KIAA1217: variants seen among roughly 807,000 people sequenced by gnomAD.
KIAA1217 encodes sickle tail protein homolog.
A neutral mutation model predicts 163.9 loss-of-function variants in KIAA1217; 88 were observed. That is an observed-to-expected ratio of 0.54 (90% CI 0.45 to 0.64). The LOEUF is 0.64. Among genes scored for constraint, KIAA1217 ranks in the 30% least tolerant of loss-of-function variants. The probability of loss-of-function intolerance (pLI) is 0.00; values close to 1 mark genes in which losing one functional copy is unlikely to be tolerated. For synonymous variants in KIAA1217, 903 were observed against 923.1 expected, an observed-to-expected ratio of 0.98 and a Z score of 0.39; for missense variants, 2,372 against 2,475.0, an observed-to-expected ratio of 0.96 and a Z score of 0.88.
intron 2 of KIAA1217, among the ~76,000 whole-genome samples, chr10:24,064,479 C>G (rs1478253769): frequency 2.0e-5 from 3 of 152,112 alleles, no homozygotes; most frequent in Admixed American, 6.6e-5. Flanking sequence ...CCTTGCATCC[C>G]AGGAATGAAG....
At chr10:24,509,571 G>C (rs2068821318) in intron 9 of KIAA1217, among the ~76,000 whole-genome samples, 1 of 152,108 alleles carries the variant, frequency 6.6e-6, no homozygotes. Context: ...TTCATTCATA[G>C]AGCAAATACA....
At chr10:23,968,671 T>C (rs963774242) in intron 1 of KIAA1217, among the ~76,000 whole-genome samples, 2 of 152,222 alleles carry the variant, frequency 1.3e-5, no homozygotes, top group Non-Finnish European at 2.9e-5. Flanking sequence ...AATCTACTTT[T>C]TGTCTCTGTA....
rs143841905 is a variant in KIAA1217, at chr10:24,025,916, G to T, written c.-171+18542G>T. ...TAGTAGCTTTATGGTAGATTATTTTGGATTTTTCTACATAGACAATAACGT... is the reference window on the plus strand; with the variant it reads ...TAGTAGCTTTATGGTAGATTATTTTTGATTTTTCTACATAGACAATAACGT... On this transcript the variant is annotated intron_variant, in intron 2 of 18. Transcript: ENST00000376462. Among the ~76,000 whole-genome samples, 1,278 of 151,710 alleles carry T rather than the reference G, an allele frequency of 8.4e-3. 25 individuals carry two copies. The highest frequency in any genetic ancestry group is 0.03 in the African/African-American group (1,226 of 41,472).
intron 1 of KIAA1217, among the ~76,000 whole-genome samples, chr10:23,721,496 A>G (rs1480034200): frequency 6.6e-6 from 1 of 152,060 alleles, no homozygotes; most frequent in African/African-American, 2.4e-5. Flanking sequence ...TTAAAAAATC[A>G]TAAACTCCTA....
At chr10:23,967,478 A>G (rs1204188660) in intron 1 of KIAA1217, among the ~76,000 whole-genome samples, 1 of 152,224 alleles carries the variant, frequency 6.6e-6, no homozygotes, top group African/African-American at 2.4e-5. Context: ...AAGTCCACAG[A>G]AAAAGAAATA....
intron 3 of KIAA1217, among the ~76,000 whole-genome samples, chr10:24,423,432 A>C (rs1162860242): frequency 6.6e-6 from 1 of 151,352 alleles, no homozygotes; most frequent in Non-Finnish European, 1.5e-5. Context: ...TTACAGGCGC[A>C]CACCACCACG....
chr10:24,429,987 A>C (rs12360211), intron 3 of KIAA1217, among the ~76,000 whole-genome samples: 27,420 of 152,068 alleles, frequency 0.18, 3,020 homozygotes, highest in Non-Finnish European at 0.26. Flanking sequence ...TAAAAAAAAT[A>C]TACAAAAAAT....
chr10:23,859,820 A>G (rs2131130563), intron 1 of KIAA1217, among the ~76,000 whole-genome samples: 1 of 152,248 alleles, frequency 6.6e-6, no homozygotes, highest in Non-Finnish European at 1.5e-5. Flanking sequence ...TTTAGACTCA[A>G]ATGTCTAAAA....
At chr10:23,841,733 T>C (rs929315510) in intron 1 of KIAA1217, among the ~76,000 whole-genome samples, 2 of 152,110 alleles carry the variant, frequency 1.3e-5, no homozygotes, top group African/African-American at 4.8e-5. Flanking sequence ...TAATGGGTAA[T>C]TTATTATTAT....
intron 3 of KIAA1217, among the ~76,000 whole-genome samples, chr10:24,426,641 C>T (rs1006109504): frequency 6.6e-6 from 1 of 151,982 alleles, no homozygotes; most frequent in Non-Finnish European, 1.5e-5. Context: ...AAAAGTCATG[C>T]TTGCAGTCTC....
intron 1 of KIAA1217, among the ~76,000 whole-genome samples, chr10:23,740,347 C>A (rs1416555773): frequency 6.6e-6 from 1 of 152,072 alleles, no homozygotes; most frequent in Non-Finnish European, 1.5e-5. Context: ...TAGGTTATGT[C>A]ATGTAAGCAC....
chr10:23,884,252 C>T (rs1268146735), intron 1 of KIAA1217, among the ~76,000 whole-genome samples: 3 of 151,948 alleles, frequency 2.0e-5, no homozygotes, highest in Non-Finnish European at 4.4e-5. Flanking sequence ...TCCTATTGCT[C>T]CACATCCCCA....
chr10:24,124,975 A>G (rs142053036), intron 2 of KIAA1217, among the ~76,000 whole-genome samples: 3 of 152,218 alleles, frequency 2.0e-5, no homozygotes, highest in African/African-American at 7.2e-5. Flanking sequence ...TCCCCTTAGA[A>G]AGCTGGTAGA....
At chr10:24,046,633 C>T (rs1849047856) in intron 2 of KIAA1217, among the ~76,000 whole-genome samples, 1 of 152,138 alleles carries the variant, frequency 6.6e-6, no homozygotes, top group African/African-American at 2.4e-5. Flanking sequence ...CACTCACTAT[C>T]ACAAGAAAAA....
At chr10:24,031,622 T>C (rs1479105795) in intron 2 of KIAA1217, among the ~76,000 whole-genome samples, 1 of 152,178 alleles carries the variant, frequency 6.6e-6, no homozygotes, top group Non-Finnish European at 1.5e-5. Flanking sequence ...TTTATGAGCT[T>C]ATTGGCCTTA....
intron 2 of KIAA1217, among the ~76,000 whole-genome samples, chr10:24,310,989 C>A (rs570689334): frequency 6.6e-6 from 1 of 152,274 alleles, no homozygotes; most frequent in African/African-American, 2.4e-5. Context: ...GAGAGTGAGA[C>A]CCTGTCTCAA....
intron 2 of KIAA1217, among the ~76,000 whole-genome samples, chr10:24,191,261 T>G (rs932029553): frequency 2.2e-4 from 34 of 152,200 alleles, no homozygotes; most frequent in African/African-American, 8.0e-4. Context: ...CTATTTAATG[T>G]GATTTAAAGA....
chr10:24,142,394 A>G (rs943795817), intron 2 of KIAA1217, among the ~76,000 whole-genome samples: 6 of 152,192 alleles, frequency 3.9e-5, no homozygotes, highest in African/African-American at 1.4e-4. Context: ...TCCTATAGGT[A>G]AGATAGTGCC....
At chr10:23,787,816 A>AT (rs926192179) in intron 1 of KIAA1217, among the ~76,000 whole-genome samples, 19 of 149,284 alleles carry the variant, frequency 1.3e-4, no homozygotes, top group South Asian at 2.1e-4. Flanking sequence ...TTTGGAGCAT[A>AT]TTTTTTTTTT....
Sources: gnomAD v4.1 joint callset for allele counts (sites outside exome capture counted in the v4.1 genomes callset) on GRCh38, gnomAD v4.1.1 for gene constraint, MANE v1.5 for transcripts, NCBI Gene and HGNC (gene_info 2026-07-23, HGNC 2026-07-21) for gene names.